Variants in AJAP1 observed in about 807,000 individuals in gnomAD.
AJAP1 encodes adherens junction-associated protein 1.
A neutral mutation model predicts 35.0 loss-of-function variants in AJAP1; 5 were observed. The ratio of observed to expected loss-of-function variants is 0.14; its 90% confidence interval spans 0.07 to 0.30. The LOEUF (loss-of-function observed/expected upper bound fraction) is 0.30. Among genes scored for constraint, AJAP1 ranks in the 10% least tolerant of loss-of-function variants. AJAP1 has a pLI of 1.00. For synonymous variants in AJAP1, 284 were observed against 249.3 expected, an observed-to-expected ratio of 1.14 and a Z score of -1.31; for missense variants, 586 against 571.0, an observed-to-expected ratio of 1.03 and a Z score of -0.27.
rs902943149 is a variant in AJAP1, at chr1:4,791,249, T to C, written c.*8764T>C. The stretch of plus-strand genomic sequence containing the variant: ...GATCAGGAACCCCGGGAATATGAGT[T>C]AGACCCAGAAAGTATTGAACTGGAC... On this transcript the variant is annotated 3_prime_UTR_variant, in exon 6 of 6. Coordinates refer to ENST00000378191, the MANE Select transcript of AJAP1 (RefSeq NM_018836.4). 6.6e-6 allele frequency: 1 copy of C among 152,230 alleles called. No homozygotes were observed. Among genetic ancestry groups the C allele is most frequent in the Non-Finnish European group, 1.5e-5 (1 of 68,050 alleles). The allele number at this position is 152,230 out of a possible 1,614,324, so 9.4% of individuals were successfully genotyped here.
At position 4,790,930 on chromosome 1, in the gene AJAP1, T is replaced by TTTTGA. The variant is rs1296338200; in HGVS notation, c.*8449_*8450insATTTG. 1 of 150,096 alleles carries TTTTGA rather than the reference T, an allele frequency of 6.7e-6. No individual in the cohort carries two copies. Among genetic ancestry groups the TTTTGA allele is most frequent in the East Asian group, 1.9e-4 (1 of 5,140 alleles). The allele number at this position is 150,096 out of a possible 1,614,324, so 9.3% of individuals were successfully genotyped here. On this transcript the variant is annotated 3_prime_UTR_variant, in exon 6 of 6. Coordinates refer to ENST00000378191, the MANE Select transcript of AJAP1 (RefSeq NM_018836.4). ...AGTGTTTCTGTTTTTTTGTTTTTGT[T>TTTTGA]TTTGTTTTTGTTTTTGTTTTTGTTT...
chr1:4,655,296 C>T lies in AJAP1; in HGVS notation c.-130C>T. On this transcript the variant is annotated 5_prime_UTR_variant, in exon 1 of 6. Transcript: ENST00000378191. This position sits in a 1 kb window ranked among gnomAD's most constrained non-coding sequence, Gnocchi z 6.9. Reference sequence around the variant, plus strand: ...TCTGACTCGCTGTGCGCCCCGCGGCCGGCGGGCGGCGGGAGGCGGCGGACC... The same window carrying T: ...TCTGACTCGCTGTGCGCCCCGCGGCTGGCGGGCGGCGGGAGGCGGCGGACC... 1 of 670,006 alleles carries T rather than the reference C, an allele frequency of 1.5e-6. No individual in the cohort carries two copies. Among genetic ancestry groups the T allele is most frequent in the South Asian group, 6.6e-5 (1 of 15,048 alleles). The allele number at this position is 670,006 out of a possible 1,614,324, so 41.5% of individuals were successfully genotyped here. A position where few individuals can be genotyped will look rare whatever the true frequency, so the allele number is the denominator to read the frequency against.
At chr1:4,776,346 TC>T (rs888475099) in intron 5 of AJAP1, among the ~76,000 whole-genome samples, 1 of 152,092 alleles carries the variant, frequency 6.6e-6, no homozygotes, top group African/African-American at 2.4e-5. Flanking sequence ...TGCCCAGTCC[TC>T]CCAGCAATTC....
chr1:4,774,709 G>T (rs2272878), intron 5 of AJAP1, among the ~76,000 whole-genome samples, 151 bp downstream of exon 5: 58 of 152,178 alleles, frequency 3.8e-4, no homozygotes, highest in East Asian at 2.9e-3. Context: ...GAGCCGGCGG[G>T]GGGGGCTGGG....
In AJAP1 at chr1:4,774,663, C is replaced by T. The variant is rs534194159; in HGVS notation, c.*59+105C>T. The T allele has an allele frequency of 1.2e-4, 77 of 643,350 alleles. No individual in the cohort carries two copies. The highest frequency in any genetic ancestry group is 9.5e-4 in the African/African-American group (52 of 54,700). The allele number at this position is 643,350 out of a possible 1,614,324, so 39.9% of individuals were successfully genotyped here. ...TCACTGGGAGCTCTTTTAGACATGG[C>T]GGGTGGATTTCCAATGGCATCACTT... On this transcript the variant is annotated intron_variant, in intron 5 of 5. Coordinates refer to ENST00000378191, the MANE Select transcript of AJAP1 (RefSeq NM_018836.4).
At chr1:4,770,635 C>T (rs2100359924) in intron 3 of AJAP1, among the ~76,000 whole-genome samples, 1 of 152,302 alleles carries the variant, frequency 6.6e-6, no homozygotes, top group Admixed American at 6.5e-5. Context: ...AGGCTTAAAA[C>T]TCCCTCATAG....
Position 4,782,677 on chromosome 1 carries a change from C to A in AJAP1, c.*192C>A. 2.5e-6 allele frequency: 1 copy of A among 398,500 alleles called. No individual in the cohort carries two copies. Among genetic ancestry groups the A allele is most frequent in the Non-Finnish European group, 4.4e-6 (1 of 226,028 alleles). 24.7% of individuals were successfully genotyped at this position (398,500 alleles called of 1,614,324 possible). A position where few individuals can be genotyped will look rare whatever the true frequency, so the allele number is the denominator to read the frequency against. ...GTTTGCCGGTGGGAAACTCACAGAG[C>A]AGGACGCTCTAGGCCAAATCTATTT... On this transcript the variant is annotated 3_prime_UTR_variant, in exon 6 of 6. Coordinates refer to ENST00000378191, the MANE Select transcript of AJAP1 (RefSeq NM_018836.4). This position sits in a 1 kb window ranked among gnomAD's most constrained non-coding sequence, Gnocchi z 5.3.
intron 2 of AJAP1, 134 bp from the exon 3 acceptor site, chr1:4,769,719 C>T: frequency 1.3e-6 from 1 of 762,658 alleles, no homozygotes; most frequent in East Asian, 2.4e-5. Context: ...GTCATGCTGC[C>T]CCGAGTTCCC....
intron 1 of AJAP1, among the ~76,000 whole-genome samples, chr1:4,698,746 G>A (rs976438384): frequency 6.6e-6 from 1 of 152,152 alleles, no homozygotes; most frequent in Non-Finnish European, 1.5e-5. Context: ...CCCACCCCTG[G>A]CCATGGCTCT....
At chr1:4,756,568 C>T (rs965314732) in intron 2 of AJAP1, among the ~76,000 whole-genome samples, 3 of 152,150 alleles carry the variant, frequency 2.0e-5, no homozygotes, top group African/African-American at 4.8e-5. Flanking sequence ...GAGGGCCTGC[C>T]GTGAGTGGAA....
chr1:4,671,833 C>T (rs569618162), intron 1 of AJAP1, among the ~76,000 whole-genome samples: 61 of 152,310 alleles, frequency 4.0e-4, no homozygotes, highest in South Asian at 2.3e-3. Context: ...AGGTGCTTCA[C>T]GAGGAAGCTG....
chr1:4,726,339 G>C (rs1011160496), intron 2 of AJAP1, among the ~76,000 whole-genome samples: 1 of 152,158 alleles, frequency 6.6e-6, no homozygotes, highest in Non-Finnish European at 1.5e-5. Flanking sequence ...ATGTGCATGC[G>C]GTATTCCAAC....
At chr1:4,711,736 A>AAAGG (rs1164138706) in intron 1 of AJAP1, among the ~76,000 whole-genome samples, 164 bp from the exon 2 acceptor site, 1 of 152,128 alleles carries the variant, frequency 6.6e-6, no homozygotes, top group Non-Finnish European at 1.5e-5. Context: ...CCTTTGAAGG[A>AAAGG]AAGGAAGGAA....
intron 1 of AJAP1, among the ~76,000 whole-genome samples, chr1:4,664,488 G>C (rs1028583774): frequency 7.2e-5 from 11 of 152,182 alleles, no homozygotes; most frequent in Admixed American, 6.5e-4. Flanking sequence ...CTGTCCGGGT[G>C]GTTGGGCCCA....
chr1:4,790,384 T>C lies in AJAP1; in HGVS notation c.*7899T>C, dbSNP rs951473276. On this transcript the variant is annotated 3_prime_UTR_variant, in exon 6 of 6. Coordinates refer to ENST00000378191, the MANE Select transcript of AJAP1 (RefSeq NM_018836.4). ...TGCGTATGCAGCCAGTCAACATGAA[T>C]GGGACCCTAGAAACTGTGAGGAGCA... is the stretch of plus-strand genomic sequence containing the variant. 23 of 152,318 alleles carry C rather than the reference T, an allele frequency of 1.5e-4. No homozygotes were observed. The highest frequency in any genetic ancestry group is 5.1e-4 in the African/African-American group (21 of 41,578). The allele number at this position is 152,318 out of a possible 1,614,324, so 9.4% of individuals were successfully genotyped here. A position where few individuals can be genotyped will look rare whatever the true frequency, so the allele number is the denominator to read the frequency against.
At chr1:4,739,367 G>C (rs750985086) in intron 2 of AJAP1, among the ~76,000 whole-genome samples, 1 of 152,178 alleles carries the variant, frequency 6.6e-6, no homozygotes, top group Non-Finnish European at 1.5e-5. Flanking sequence ...CCCGTCTGTC[G>C]GCAGCAATGG....
At chr1:4,705,194 C>G (rs1640073426) in intron 1 of AJAP1, among the ~76,000 whole-genome samples, 1 of 152,012 alleles carries the variant, frequency 6.6e-6, no homozygotes, top group Non-Finnish European at 1.5e-5. Flanking sequence ...ATGTAGAAAG[C>G]TGAAACTGGA....
intron 1 of AJAP1, among the ~76,000 whole-genome samples, chr1:4,662,748 C>T (rs1208020392): frequency 6.6e-6 from 1 of 152,258 alleles, no homozygotes; most frequent in Non-Finnish European, 1.5e-5. Flanking sequence ...ACTCCCTACA[C>T]ACAAGCCATT....
chr1:4,674,948 A>C (rs573968528), intron 1 of AJAP1, among the ~76,000 whole-genome samples: 3 of 152,212 alleles, frequency 2.0e-5, no homozygotes, highest in African/African-American at 7.2e-5. Flanking sequence ...TCACGTTGCC[A>C]TGTGGCCATG....
Sources: gnomAD v4.1 joint callset for allele counts (sites outside exome capture counted in the v4.1 genomes callset) on GRCh38, gnomAD v4.1.1 for gene constraint, Gnocchi (gnomAD v3.1) non-coding constraint, MANE v1.5 for transcripts, NCBI Gene and HGNC (gene_info 2026-07-23, HGNC 2026-07-21) for gene names.